Variants in PBX3 observed in about 807,000 individuals in gnomAD.
PBX3 encodes PBX homeobox 3.
PBX3 carries 14 observed loss-of-function variants against 48.5 expected under a neutral mutation model. That is an observed-to-expected ratio of 0.29 (90% CI 0.19 to 0.45). PBX3 has a LOEUF of 0.45. Ranked by LOEUF, PBX3 falls within the 20% of genes least tolerant of loss-of-function variation. PBX3 has a pLI of 1.00. For missense variants in PBX3, 386 were observed against 546.7 expected (o/e 0.71, Z 2.93); for synonymous variants, 210 against 200.3 (o/e 1.05, Z -0.41).
intron 2 of PBX3, among the ~76,000 whole-genome samples, chr9:125,750,770 T>G (rs891275097): frequency 6.6e-6 from 1 of 152,198 alleles, no homozygotes; most frequent in Admixed American, 6.5e-5. Context: ...GCTGTCTGGG[T>G]AGAGGCATCT....
At chr9:125,903,132 T>C (rs1840990099) in intron 2 of PBX3, among the ~76,000 whole-genome samples, 4 of 151,874 alleles carry the variant, frequency 2.6e-5, no homozygotes, top group Admixed American at 2.6e-4. Context: ...AGATCTTTCT[T>C]TTTTTGTTTA....
chr9:125,907,993 TG>T (rs1841115974), intron 2 of PBX3, among the ~76,000 whole-genome samples: 2 of 152,218 alleles, frequency 1.3e-5, no homozygotes, highest in Admixed American at 1.3e-4. Flanking sequence ...CTGCTTGGCA[TG>T]TAGTATGTAT....
At chr9:125,963,233 T>TA (rs1760666905) in intron 8 of PBX3, 132 bp downstream of exon 8, 2 of 520,536 alleles carry the variant, frequency 3.8e-6, no homozygotes, top group Non-Finnish European at 7.0e-6. Context: ...TTGCTGCACT[T>TA]TTATTTTAAG....
chr9:125,843,258 T>G (rs1839335373), intron 2 of PBX3, among the ~76,000 whole-genome samples: 2 of 152,148 alleles, frequency 1.3e-5, no homozygotes, highest in Admixed American at 1.3e-4. Flanking sequence ...TGATTGCAAA[T>G]TTTGTTTTTA....
intron 2 of PBX3, among the ~76,000 whole-genome samples, chr9:125,872,589 A>G (rs984114362): frequency 6.6e-6 from 1 of 151,748 alleles, no homozygotes; most frequent in East Asian, 1.9e-4. Context: ...CGAGACCCCC[A>G]TCTCACAAAA....
intron 3 of PBX3, among the ~76,000 whole-genome samples, chr9:125,920,514 A>G (rs559497660): frequency 6.6e-6 from 1 of 152,310 alleles, no homozygotes; most frequent in African/African-American, 2.4e-5. Context: ...TTCTCAGTTA[A>G]AAAGGAAAAG....
chr9:125,798,938 T>C (rs1052088146), intron 2 of PBX3, among the ~76,000 whole-genome samples: 35 of 152,048 alleles, frequency 2.3e-4, no homozygotes, highest in Non-Finnish European at 4.6e-4. Context: ...ACTTTAATAT[T>C]AATTTTAAAA....
chr9:125,942,173 C>T (rs1008225412), intron 5 of PBX3, among the ~76,000 whole-genome samples: 18 of 152,214 alleles, frequency 1.2e-4, no homozygotes, highest in African/African-American at 4.1e-4. Context: ...ACAAGGGTCA[C>T]AAGCCTTAGT....
intron 2 of PBX3, among the ~76,000 whole-genome samples, chr9:125,878,385 T>C (rs1441960147): frequency 6.6e-6 from 1 of 152,238 alleles, no homozygotes; most frequent in Non-Finnish European, 1.5e-5. Flanking sequence ...TTAACTTGCA[T>C]TGGATGTCCA....
At chr9:125,889,817 GC>G (rs1840593808) in intron 2 of PBX3, among the ~76,000 whole-genome samples, 1 of 148,284 alleles carries the variant, frequency 6.7e-6, no homozygotes, top group African/African-American at 2.4e-5. Flanking sequence ...GAGCCGGATC[GC>G]CGTCCGCCGC....
At chr9:125,928,919 A>C (rs1184311782) in intron 3 of PBX3, among the ~76,000 whole-genome samples, 1 of 151,482 alleles carries the variant, frequency 6.6e-6, no homozygotes, top group Non-Finnish European at 1.5e-5. Flanking sequence ...AATGCTTGGC[A>C]CGCAAGGCCC....
intron 2 of PBX3, among the ~76,000 whole-genome samples, chr9:125,875,165 T>C (rs1228183180): frequency 1.3e-5 from 2 of 152,186 alleles, no homozygotes; most frequent in Non-Finnish European, 2.9e-5. Context: ...TTTTCATTTA[T>C]AATAGATACT....
Position 125,814,497 on chromosome 9 carries a change from G to A in PBX3, c.274+65874G>A, listed in dbSNP as rs183695731. 8.5e-5 allele frequency among the ~76,000 whole-genome samples: 13 copies of A among 152,232 alleles called. No individual in the cohort carries two copies. The East Asian group carries it at 1.4e-3, about 16-fold the overall frequency. On this transcript the variant is annotated intron_variant, in intron 2 of 8. Coordinates refer to ENST00000373489, the MANE Select transcript of PBX3 (RefSeq NM_006195.6). ...AGATCCCAGGATTTTTAGTTCTATA[G>A]AGTCATTCTAGAGGATGTGAATAGT...
At chr9:125,845,955 C>T (rs1839416760) in intron 2 of PBX3, among the ~76,000 whole-genome samples, 1 of 151,942 alleles carries the variant, frequency 6.6e-6, no homozygotes, top group Non-Finnish European at 1.5e-5. Flanking sequence ...TGCATTTATG[C>T]AATAGGCCTT....
chr9:125,864,227 T>G (rs944802673), intron 2 of PBX3, among the ~76,000 whole-genome samples: 1 of 152,170 alleles, frequency 6.6e-6, no homozygotes, highest in Non-Finnish European at 1.5e-5. Context: ...AAAATCTGAT[T>G]AGTATCCTGA....
intron 4 of PBX3, among the ~76,000 whole-genome samples, chr9:125,931,013 A>T (rs1022037386): frequency 3.9e-5 from 6 of 152,190 alleles, no homozygotes; most frequent in Non-Finnish European, 8.8e-5. Context: ...CAAGCTCACT[A>T]TGGAAAGTTT....
At chr9:125,854,599 G>A (rs1564140599) in intron 2 of PBX3, among the ~76,000 whole-genome samples, 1 of 152,010 alleles carries the variant, frequency 6.6e-6, no homozygotes, top group Non-Finnish European at 1.5e-5. Context: ...GTAATTTTTA[G>A]TGAATGAATG....
chr9:125,931,499 T>C (rs1002329495), intron 4 of PBX3, among the ~76,000 whole-genome samples: 12 of 152,162 alleles, frequency 7.9e-5, no homozygotes, highest in Non-Finnish European at 1.2e-4. Context: ...TGTTTCACCA[T>C]GTTGCCCAGC....
intron 2 of PBX3, among the ~76,000 whole-genome samples, chr9:125,853,565 T>G (rs1194516266): frequency 6.6e-6 from 1 of 152,174 alleles, no homozygotes; most frequent in African/African-American, 2.4e-5. Context: ...CCCCTAACAA[T>G]TGAGACTTTT....
Sources: allele counts gnomAD v4.1 joint callset (sites outside exome capture counted in the v4.1 genomes callset), GRCh38; gene constraint gnomAD v4.1.1; transcripts MANE v1.5; gene names NCBI Gene and HGNC (gene_info 2026-07-23, HGNC 2026-07-21).